ADGRG4: variants seen among roughly 807,000 people sequenced by gnomAD.
ADGRG4 encodes G protein-coupled receptor 112.
In ADGRG4, 122 loss-of-function variants were observed where a neutral mutation model predicts 126.2. The observed-to-expected ratio is 0.97, with a 90% CI of 0.83 to 1.12. ADGRG4 has a LOEUF of 1.12. Among genes scored for constraint, ADGRG4 ranks in the 50% most tolerant of loss-of-function variants. The probability of loss-of-function intolerance (pLI) is 0.00; values close to 1 mark genes in which losing one functional copy is unlikely to be tolerated. For synonymous variants in ADGRG4, 943 were observed against 838.7 expected (o/e 1.12, Z -2.15); for missense variants, 2,481 against 2,251.8 (o/e 1.10, Z -2.06).
chrX:136,414,374 T>C, intron 25 of ADGRG4, 47 bp downstream of exon 25: 1 of 1,018,538 alleles, frequency 9.8e-7, no homozygotes. Context: ...CCAGAGATAT[T>C]GAATTAATGT....
intron 24 of ADGRG4, among the ~76,000 whole-genome samples, chrX:136,413,019 A>G (rs1400219729): frequency 9.1e-6 from 1 of 110,158 alleles, no homozygotes; most frequent in Non-Finnish European, 1.9e-5. Flanking sequence ...AGATTCTACA[A>G]GTAGCACTGA....
chrX:136,399,234 A>G (rs1028849816), intron 20 of ADGRG4, among the ~76,000 whole-genome samples: 34 of 112,321 alleles, frequency 3.0e-4, no homozygotes, highest in Non-Finnish European at 6.2e-4. Flanking sequence ...AGATCCATCA[A>G]GTTATATTGT....
chrX:136,331,364 C>G (rs983606357), intron 5 of ADGRG4, among the ~76,000 whole-genome samples: 1 of 112,657 alleles, frequency 8.9e-6, no homozygotes, highest in Non-Finnish European at 1.9e-5. Flanking sequence ...ATACACCCAG[C>G]AATGGGATTG....
chrX:136,348,579 G>T lies in ADGRG4; in HGVS notation c.4873G>T (p.Val1625Phe). The T allele has an allele frequency of 1.7e-6, 2 of 1,210,063 alleles. No individual in the cohort carries two copies. Among genetic ancestry groups the T allele is most frequent in the Non-Finnish European group, 2.2e-6 (2 of 894,743 alleles). Residue 1625 changes from valine to phenylalanine, a missense_variant, in exon 6 of 26, where the codon GTT becomes TTT. Physicochemically the swap from Val to Phe is conservative, Grantham distance 50 (BLOSUM62 -1). Transcript: ENST00000394143. ...TGGGGCTACTTCAAAAAACAAAATG[G>T]TTTCCTCTGCTTTCACTACAGAAAT... is the stretch of plus-strand genomic sequence containing the variant. Reference protein sequence around the residue: ...YAGATSKNKMVSSAFTTEMIE... With the variant: ...YAGATSKNKMFSSAFTTEMIE...
Position 136,324,577 on chromosome X carries a change from T to C in ADGRG4, c.685+1185T>C, listed in dbSNP as rs1302337901. ...CAGGTGTAAGCCACCACACCCAACCTTATTTATGTGTTTATTTATTTGAAC... is the reference window on the plus strand; with the variant it reads ...CAGGTGTAAGCCACCACACCCAACCCTATTTATGTGTTTATTTATTTGAAC... On this transcript the variant is annotated intron_variant, in intron 5 of 25. Coordinates refer to ENST00000394143, the MANE Select transcript of ADGRG4 (RefSeq NM_153834.4). Among the ~76,000 whole-genome samples the C allele has an allele frequency of 2.7e-5, 3 of 111,405 alleles. No individual in the cohort carries two copies. In the Admixed American group the frequency reaches 2.9e-4, roughly 11 times the overall value.
chrX:136,321,734 A>G, intron 4 of ADGRG4, among the ~76,000 whole-genome samples: 1 of 112,163 alleles, frequency 8.9e-6, no homozygotes, highest in Non-Finnish European at 1.9e-5. Context: ...TGTGAAACAA[A>G]GGGCATATCC....
Position 136,351,513 on chromosome X carries a change from G to A in ADGRG4, c.6794G>A (p.Ser2265Asn). 1 of 1,139,139 alleles carries A rather than the reference G, an allele frequency of 8.8e-7. No individual in the cohort carries two copies. Among genetic ancestry groups the A allele is most frequent in the Non-Finnish European group, 1.2e-6 (1 of 847,487 alleles). 93.9% of individuals were successfully genotyped at this position (1,139,139 alleles called of 1,213,427 possible). ...FVEEPRIPIT[S>N]VINEFTENSL... is the part of the protein sequence containing the mutation. ...GAAGAGCCAAGGATCCCTATTACCAGTGTTATAAATGAATTTACGGAAAAT... is the reference window on the plus strand; with the variant it reads ...GAAGAGCCAAGGATCCCTATTACCAATGTTATAAATGAATTTACGGAAAAT... Residue 2265 changes from serine to asparagine, a missense_variant, in exon 7 of 26, where the codon AGT (serine) becomes AAT (asparagine). Coordinates refer to ENST00000394143, the MANE Select transcript of ADGRG4 (RefSeq NM_153834.4).
In ADGRG4 at chrX:136,357,726, A is replaced by C; in HGVS notation, c.6950A>C (p.Glu2317Ala). Residue 2317 changes from glutamate to alanine, a missense_variant, in exon 10 of 26, where the codon GAA becomes GCA. Glu to Ala is a moderately radical substitution (Grantham distance 107). Transcript: ENST00000394143. ...TAGTTGGAACAGAGAGAAGGACAAG[A>C]AATGGCTACAATTTCCTATGTACCA... ...RAILEQREGQ[E>A]MATISYVPYS... 8.4e-7 allele frequency: 1 copy of C among 1,188,684 alleles called. No individual in the cohort carries two copies. Among genetic ancestry groups the C allele is most frequent in the African/African-American group, 1.7e-5 (1 of 57,424 alleles).
intron 5 of ADGRG4, among the ~76,000 whole-genome samples, chrX:136,339,773 T>C (rs1362178605): frequency 8.9e-6 from 1 of 112,346 alleles, no homozygotes; most frequent in East Asian, 2.8e-4. Context: ...TTGTACCTTT[T>C]GGGGAGGAGC....
chrX:136,323,439 C>T, intron 5 of ADGRG4, 47 bp downstream of exon 5: 1 of 1,109,050 alleles, frequency 9.0e-7, no homozygotes, highest in Non-Finnish European at 1.2e-6. Context: ...AGTGTTGACA[C>T]AGTACTTCTC....
chrX:136,315,864 C>G (rs2074801960), intron 4 of ADGRG4, among the ~76,000 whole-genome samples: 1 of 111,688 alleles, frequency 9.0e-6, no homozygotes, highest in Admixed American at 9.5e-5. Flanking sequence ...ATATCGGGGT[C>G]ATGTGCTTAT....
rs561400259 is a variant in ADGRG4 at position 136,378,802 on chromosome X, T to A, written c.7776+5738T>A. Among the ~76,000 whole-genome samples, 35 of 112,051 alleles carry A rather than the reference T, an allele frequency of 3.1e-4. No homozygotes were observed. In the South Asian group the frequency reaches 0.013, roughly 41 times the overall value. ...TTAATATGGTAAATTATATTGATTTTAAAATATTAAGCCAATCTTGAATTC... is the reference window on the plus strand; with the variant it reads ...TTAATATGGTAAATTATATTGATTTAAAAATATTAAGCCAATCTTGAATTC... On this transcript the variant is annotated intron_variant, in intron 15 of 25. Coordinates refer to ENST00000394143, the MANE Select transcript of ADGRG4 (RefSeq NM_153834.4).
At chrX:136,338,994 G>T (rs1377762758) in intron 5 of ADGRG4, among the ~76,000 whole-genome samples, 1 of 110,663 alleles carries the variant, frequency 9.0e-6, no homozygotes, top group Non-Finnish European at 1.9e-5. Flanking sequence ...TGTCTCTGCT[G>T]GTGCTTCTTG....
intron 13 of ADGRG4, among the ~76,000 whole-genome samples, chrX:136,369,669 G>A (rs1418791854): frequency 8.9e-6 from 1 of 112,276 alleles, no homozygotes; most frequent in East Asian, 2.8e-4. Flanking sequence ...AAAGGTCCGT[G>A]AATGAGCTCA....
intron 25 of ADGRG4, among the ~76,000 whole-genome samples, chrX:136,414,941 G>A (rs771261595): frequency 3.7e-4 from 42 of 112,347 alleles, no homozygotes; most frequent in African/African-American, 1.3e-3. Flanking sequence ...TTGGGAATGG[G>A]GTGTTGTACC....
chrX:136,398,921 T>A (rs1603300334), intron 20 of ADGRG4, among the ~76,000 whole-genome samples: 1 of 112,398 alleles, frequency 8.9e-6, no homozygotes, highest in East Asian at 2.8e-4. Context: ...TGTGATATAT[T>A]TGTAAAATGG....
intron 13 of ADGRG4, among the ~76,000 whole-genome samples, chrX:136,367,533 G>C (rs1405686089): frequency 8.9e-6 from 1 of 111,769 alleles, no homozygotes; most frequent in Non-Finnish European, 1.9e-5. Flanking sequence ...GCACTGGGTT[G>C]GGATTTTTAG....
intron 1 of ADGRG4, among the ~76,000 whole-genome samples, chrX:136,302,417 C>T (rs1036946816): frequency 8.9e-6 from 1 of 111,978 alleles, no homozygotes; most frequent in East Asian, 2.8e-4. Context: ...AGCAAAGTCT[C>T]AGGATACAAA....
chrX:136,316,250 G>A (rs1055120207), intron 4 of ADGRG4, among the ~76,000 whole-genome samples: 3 of 111,124 alleles, frequency 2.7e-5, no homozygotes, highest in African/African-American at 9.8e-5. Context: ...CAGTGGACCT[G>A]GAACCACAGT....
Sources: gnomAD v4.1 joint callset for allele counts (sites outside exome capture counted in the v4.1 genomes callset) on GRCh38, gnomAD v4.1.1 for gene constraint, MANE v1.5 for transcripts, NCBI Gene and HGNC (gene_info 2026-07-23, HGNC 2026-07-21) for gene names.